The following PAN3 variants were observed in gnomAD, a reference collection of about 807,000 sequenced individuals.
PAN3 encodes poly(A) specific ribonuclease subunit PAN3.
In PAN3, 19 loss-of-function variants were observed where a neutral mutation model predicts 96.2. The observed-to-expected ratio is 0.20, with a 90% CI of 0.14 to 0.29. The LOEUF (loss-of-function observed/expected upper bound fraction) is 0.29. Among genes scored for constraint, PAN3 ranks in the 10% least tolerant of loss-of-function variants. PAN3 has a pLI of 1.00. For missense variants in PAN3, 882 were observed against 1,108.1 expected (o/e 0.80, Z 2.90); for synonymous variants, 433 against 406.6 (o/e 1.06, Z -0.78).
chr13:28,215,805 G>T (rs1880678750), intron 5 of PAN3: 1 of 1,369,840 alleles, frequency 7.3e-7, no homozygotes, highest in Non-Finnish European at 1.0e-6. Context: ...GAGACAGACA[G>T]TTGCTGTGGG....
intron 4 of PAN3, among the ~76,000 whole-genome samples, chr13:28,185,554 T>G (rs1292945913): frequency 1.3e-5 from 2 of 152,182 alleles, no homozygotes; most frequent in African/African-American, 4.8e-5. Flanking sequence ...TAGGAGAATT[T>G]TGTTCTGTTG....
In PAN3 at chr13:28,138,603, T is replaced by TGGCGGCGGCGGCGGC. The variant is rs779468176; in HGVS notation, c.-53_-52insCGGCGGCGGCGGCGG. 24 of 465,482 alleles carry TGGCGGCGGCGGCGGC rather than the reference T, an allele frequency of 5.2e-5. 1 individual carries two copies. The highest frequency in any genetic ancestry group is 1.3e-4 in the African/African-American group (6 of 47,996). 28.8% of individuals were successfully genotyped at this position (465,482 alleles called of 1,614,324 possible). On this transcript the variant is annotated 5_prime_UTR_variant, in exon 1 of 19. Coordinates refer to ENST00000380958, the MANE Select transcript of PAN3 (RefSeq NM_175854.8). ...TCTTCCTTTCCTCCCCCGTCTATGG[T>TGGCGGCGGCGGCGGC]GGTGGCGGCGGCGGCTCCTCGGGCG... is the stretch of plus-strand genomic sequence containing the variant.
Position 28,294,330 on chromosome 13 carries a change from T to C in PAN3, c.*1808T>C, listed in dbSNP as rs1870097067. On this transcript the variant is annotated 3_prime_UTR_variant, in exon 19 of 19. Transcript: ENST00000380958. ...GGAGACATTAACATGAAAAAGTCTT[T>C]TATCATTAGCTCATGTATTTGAGGA... 1 of 152,658 alleles carries C rather than the reference T, an allele frequency of 6.6e-6. No homozygotes were observed. The highest frequency in any genetic ancestry group is 1.5e-5 in the Non-Finnish European group (1 of 68,034). The allele number at this position is 152,658 out of a possible 1,614,324, so 9.5% of individuals were successfully genotyped here. A position where few individuals can be genotyped will look rare whatever the true frequency, so the allele number is the denominator to read the frequency against.
chr13:28,234,643 T>C (rs1238922818), intron 6 of PAN3, among the ~76,000 whole-genome samples: 1 of 152,216 alleles, frequency 6.6e-6, no homozygotes, highest in African/African-American at 2.4e-5. Flanking sequence ...TATTAACTCT[T>C]ATCCTACATT....
At chr13:28,279,682 C>T (rs1401301687) in intron 15 of PAN3, among the ~76,000 whole-genome samples, 2 of 151,426 alleles carry the variant, frequency 1.3e-5, no homozygotes, top group East Asian at 4.0e-4. Context: ...ATTGCTTGAA[C>T]CCAGGAGGCA....
intron 1 of PAN3, among the ~76,000 whole-genome samples, chr13:28,167,146 C>G (rs993686548): frequency 7.0e-6 from 1 of 141,878 alleles, no homozygotes; most frequent in Non-Finnish European, 1.5e-5. Flanking sequence ...GGTCAATCTC[C>G]TTATCAAAAG....
At position 28,293,711 on chromosome 13, in the gene PAN3, C is replaced by T. The variant is rs1488806309; in HGVS notation, c.*1189C>T. On this transcript the variant is annotated 3_prime_UTR_variant, in exon 19 of 19. Coordinates refer to ENST00000380958, the MANE Select transcript of PAN3 (RefSeq NM_175854.8). The stretch of plus-strand genomic sequence containing the variant: ...TTGGGATTTTCCTCCTCTTAACTTT[C>T]TTAATATTTGGACATGCAGTTGTCG... 1.3e-5 allele frequency: 2 copies of T among 152,552 alleles called. No homozygotes were observed. Among genetic ancestry groups the T allele is most frequent in the Non-Finnish European group, 2.9e-5 (2 of 68,006 alleles). 9.4% of individuals were successfully genotyped at this position (152,552 alleles called of 1,614,324 possible). A position where few individuals can be genotyped will look rare whatever the true frequency, so the allele number is the denominator to read the frequency against.
At chr13:28,194,530 G>T (rs1877769622) in intron 4 of PAN3, among the ~76,000 whole-genome samples, 1 of 146,878 alleles carries the variant, frequency 6.8e-6, no homozygotes, top group African/African-American at 2.5e-5. Flanking sequence ...GAGTGCAGTG[G>T]CGTGATCTCG....
chr13:28,203,150 A>G, intron 5 of PAN3, among the ~76,000 whole-genome samples: 1 of 150,812 alleles, frequency 6.6e-6, no homozygotes, highest in Admixed American at 6.6e-5. Flanking sequence ...TGGTAGAAAC[A>G]GGGTTTCACC....
At chr13:28,195,096 A>G (rs1198029293) in intron 4 of PAN3, among the ~76,000 whole-genome samples, 1 of 152,110 alleles carries the variant, frequency 6.6e-6, no homozygotes, top group Non-Finnish European at 1.5e-5. Flanking sequence ...ATAAAGGTGG[A>G]GGTATGTTAG....
At chr13:28,141,368 T>C (rs1277542244) in intron 1 of PAN3, among the ~76,000 whole-genome samples, 2 of 151,810 alleles carry the variant, frequency 1.3e-5, no homozygotes, top group South Asian at 2.1e-4. Flanking sequence ...GGATTCTCTT[T>C]TTAAAAAAAA....
intron 6 of PAN3, among the ~76,000 whole-genome samples, chr13:28,250,027 A>G (rs1884573190): frequency 6.6e-6 from 1 of 152,180 alleles, no homozygotes; most frequent in Non-Finnish European, 1.5e-5. Context: ...GTAGACAGTT[A>G]TCTTTTCTCC....
intron 6 of PAN3, among the ~76,000 whole-genome samples, chr13:28,245,700 A>G (rs1884118169): frequency 6.6e-6 from 1 of 152,062 alleles, no homozygotes; most frequent in Non-Finnish European, 1.5e-5. Flanking sequence ...CATTCCCTGA[A>G]AACCACTAAT....
intron 1 of PAN3, among the ~76,000 whole-genome samples, chr13:28,145,252 C>CGTGT (rs112715236): frequency 0.065 from 9,874 of 151,754 alleles, 375 homozygotes; most frequent in South Asian, 0.14. Flanking sequence ...TTTGCACTTG[C>CGTGT]GTGTGTGTGT....
In PAN3 at chr13:28,138,679, C is replaced by T. The variant is rs1015005303; in HGVS notation, c.22C>T (p.Pro8Ser). Reference sequence around the variant, plus strand: ...TGCCATGAACAGTGGCGGCGGCCTCCCGCCCCCCTCGGCCGCCGCCTCCCC... The same window carrying T: ...TGCCATGAACAGTGGCGGCGGCCTCTCGCCCCCCTCGGCCGCCGCCTCCCC... MNSGGGL[P>S]PPSAAASPSS... is the part of the protein sequence containing the mutation. Residue 8 changes from proline (P) to serine (S), a missense_variant, in exon 1 of 19, where the codon CCG becomes TCG. This residue lies in a region of PAN3 where 442 missense variants were observed against 422.8 expected (regional missense o/e 1.05). Coordinates refer to ENST00000380958, the MANE Select transcript of PAN3 (RefSeq NM_175854.8). 2.2e-6 allele frequency: 2 copies of T among 898,390 alleles called. No homozygotes were observed. Among genetic ancestry groups the T allele is most frequent in the Non-Finnish European group, 3.0e-6 (2 of 658,698 alleles). The allele number at this position is 898,390 out of a possible 1,614,324, so 55.7% of individuals were successfully genotyped here.
intron 6 of PAN3, among the ~76,000 whole-genome samples, chr13:28,236,923 A>G (rs1375002826): frequency 6.6e-6 from 1 of 152,204 alleles, no homozygotes; most frequent in Non-Finnish European, 1.5e-5. Flanking sequence ...CCTTGGTATC[A>G]GTGCATATTG....
intron 14 of PAN3, among the ~76,000 whole-genome samples, chr13:28,275,942 TTAAATGTTATTTTAGTAATG>T (rs1887020543): frequency 2.0e-5 from 3 of 152,312 alleles, no homozygotes; most frequent in Admixed American, 1.3e-4. Flanking sequence ...GTATGAACTT[TTAAATGTTATTTTAGTAATG>T]GAGTTTAACG....
Position 28,158,620 on chromosome 13 carries a change from G to C in PAN3, c.431-15652G>C, listed in dbSNP as rs141881733. ...TGGCTGGGCGTGGTGGCTCACGCCT[G>C]TAATCCCAGCACTTTGGGAGGCTGG... On this transcript the variant is annotated intron_variant, in intron 1 of 18. Transcript: ENST00000380958. Among the ~76,000 whole-genome samples, 1,480 of 152,340 alleles carry C rather than the reference G, an allele frequency of 9.7e-3. 18 individuals are homozygous for C. Among genetic ancestry groups the C allele is most frequent in the African/African-American group, 0.034 (1,414 of 41,576 alleles).
At chr13:28,141,778 A>T in intron 1 of PAN3, among the ~76,000 whole-genome samples, 1 of 152,070 alleles carries the variant, frequency 6.6e-6, no homozygotes, top group East Asian at 1.9e-4. Flanking sequence ...TCTAATTAAC[A>T]CACAATAGGT....
Sources: allele counts gnomAD v4.1 joint callset (sites outside exome capture counted in the v4.1 genomes callset), GRCh38; gene constraint gnomAD v4.1.1; regional missense constraint gnomAD v4.1.1; transcripts MANE v1.5; gene names NCBI Gene and HGNC (gene_info 2026-07-23, HGNC 2026-07-21).